The following RECK variants were observed in gnomAD, a reference collection of about 807,000 sequenced individuals.
The protein encoded by RECK is reversion-inducing cysteine-rich protein with Kazal motifs.
RECK carries 69 observed loss-of-function variants against 115.1 expected under a neutral mutation model. The observed-to-expected ratio is 0.60, with a 90% CI of 0.49 to 0.73. RECK has a LOEUF of 0.73. Among genes scored for constraint, RECK ranks in the 30% least tolerant of loss-of-function variants. The pLI is 0.00. For missense variants in RECK, 1,047 were observed against 1,203.7 expected (o/e 0.87, Z 1.93); for synonymous variants, 414 against 419.7 (o/e 0.99, Z 0.17).
At chr9:36,083,595 A>C (rs1273833027) in intron 8 of RECK, 33 bp downstream of exon 8, 2 of 1,589,336 alleles carry the variant, frequency 1.3e-6, no homozygotes, top group Non-Finnish European at 8.6e-7. Flanking sequence ...TCTCATTTCA[A>C]TCTTTGGTAA....
rs573169426 is a variant in RECK, at chr9:36,095,101, C to T, written c.1085+3758C>T. 2.0e-5 allele frequency among the ~76,000 whole-genome samples: 3 copies of T among 152,200 alleles called. No individual in the cohort carries two copies. The East Asian group carries it at 5.8e-4, about 29-fold the overall frequency. Reference sequence around the variant, plus strand: ...AATTTATGCAACAAAGAAGAAATCACAAAGGAAATGCTTGAACCTGGGAGG... The same window carrying T: ...AATTTATGCAACAAAGAAGAAATCATAAAGGAAATGCTTGAACCTGGGAGG... On this transcript the variant is annotated intron_variant, in intron 10 of 20. Coordinates refer to ENST00000377966, the MANE Select transcript of RECK (RefSeq NM_021111.3).
rs367694777 is a variant in RECK at position 36,107,970 on chromosome 9, G to T, written c.1577-6G>T. 127 of 1,606,638 alleles carry T rather than the reference G, an allele frequency of 7.9e-5. No homozygotes were observed. In the African/African-American group the frequency reaches 1.5e-3, roughly 19 times the overall value. On this transcript the variant is annotated splice_region_variant and splice_polypyrimidine_tract_variant and intron_variant, in intron 13 of 20. Coordinates refer to ENST00000377966, the MANE Select transcript of RECK (RefSeq NM_021111.3). The stretch of plus-strand genomic sequence containing the variant: ...CATCTCTCTCAGCTAATTTTTGCTT[G>T]TACAGGTTGCAAACTGGGAGAAGCT...
At chr9:36,122,043 A>G (rs932979036) in intron 20 of RECK, among the ~76,000 whole-genome samples, 1 of 152,166 alleles carries the variant, frequency 6.6e-6, no homozygotes, top group African/African-American at 2.4e-5. Flanking sequence ...CGGGGAAGGA[A>G]CTGGTGCAGG....
chr9:36,120,069 C>T (rs1564139920), intron 18 of RECK, among the ~76,000 whole-genome samples: 2 of 151,888 alleles, frequency 1.3e-5, no homozygotes, highest in South Asian at 4.2e-4. Flanking sequence ...CCTGTCTCTA[C>T]TAAAAATACA....
intron 5 of RECK, among the ~76,000 whole-genome samples, chr9:36,064,215 G>C (rs1361278046): frequency 3.3e-5 from 5 of 152,118 alleles, no homozygotes; most frequent in Non-Finnish European, 1.5e-5. Flanking sequence ...GCTATGCTTG[G>C]ATGAGAACAT....
At chr9:36,099,769 G>A (rs547806157) in intron 10 of RECK, among the ~76,000 whole-genome samples, 1 of 152,274 alleles carries the variant, frequency 6.6e-6, no homozygotes, top group East Asian at 1.9e-4. Context: ...GCAGGTGTGA[G>A]CCACTGCACC....
At chr9:36,116,085 G>A (rs1381138768) in intron 16 of RECK, among the ~76,000 whole-genome samples, 1 of 150,436 alleles carries the variant, frequency 6.6e-6, no homozygotes, top group Non-Finnish European at 1.5e-5. Context: ...CGGTCTTGTA[G>A]GCACAAAAAC....
intron 12 of RECK, among the ~76,000 whole-genome samples, chr9:36,104,700 G>A (rs184645911): frequency 3.3e-3 from 498 of 152,000 alleles, no homozygotes; most frequent in African/African-American, 0.012. Context: ...GTAGAAACAG[G>A]GTTTCACCAT....
At chr9:36,122,096 G>T (rs1824482617) in intron 20 of RECK, among the ~76,000 whole-genome samples, 1 of 152,208 alleles carries the variant, frequency 6.6e-6, no homozygotes, top group Admixed American at 6.5e-5. Context: ...TCTCCTGAGA[G>T]CTGTGTGCCC....
At chr9:36,060,966 A>G (rs913433534) in intron 4 of RECK, among the ~76,000 whole-genome samples, 3 of 152,144 alleles carry the variant, frequency 2.0e-5, no homozygotes, top group Non-Finnish European at 4.4e-5. Flanking sequence ...TGTTCTTTCT[A>G]GTTCCATTGA....
Position 36,061,393 on chromosome 9 carries a change from T to TACACACACACACACACACACAC in RECK, c.271+1262_271+1283dup, listed in dbSNP as rs58265948. ...GCATCCTTAGTATCCTGTAATTTTC[T>TACACACACACACACACACACAC]ACACACACACACACACACACACACA... On this transcript the variant is annotated intron_variant, in intron 4 of 20. Transcript: ENST00000377966. Among the ~76,000 whole-genome samples the TACACACACACACACACACACAC allele has an allele frequency of 1.2e-3, 149 of 129,116 alleles. 3 individuals carry two copies. The highest frequency in any genetic ancestry group is 1.9e-3 in the Non-Finnish European group (112 of 60,134). 84.7% of individuals were successfully genotyped at this position (129,116 alleles called of 152,430 possible).
intron 14 of RECK, 116 bp from the exon 15 acceptor site, chr9:36,109,841 T>C: frequency 1.0e-6 from 1 of 973,700 alleles, no homozygotes; most frequent in Admixed American, 2.1e-5. Context: ...GAGACCCTTC[T>C]CAAAAAAAAA....
intron 2 of RECK, among the ~76,000 whole-genome samples, 161 bp from the exon 3 acceptor site, chr9:36,058,666 T>G (rs1357975163): frequency 2.1e-5 from 3 of 145,240 alleles, no homozygotes; most frequent in Non-Finnish European, 4.5e-5. Context: ...AATTAATAAA[T>G]AAATAAATAA....
chr9:36,122,859 G>A lies in RECK; in HGVS notation c.2730G>A (p.Glu910=). The change falls in exon 21 of 21, where the codon GAG becomes GAA. Residue 910 remains glutamate, a synonymous_variant. Transcript: ENST00000377966. ...EACNKEAEKI[E]SLINSDSPTL... ...GCAATAAAGAAGCAGAGAAGATTGA[G>A]TCCCTTATCAACTCTGACAGCCCGA... is the stretch of plus-strand genomic sequence containing the variant. 2 of 1,614,174 alleles carry A rather than the reference G, an allele frequency of 1.2e-6. No homozygotes were observed. Among genetic ancestry groups the A allele is most frequent in the Non-Finnish European group, 1.7e-6 (2 of 1,180,034 alleles).
chr9:36,078,848 A>G (rs1402156442), intron 6 of RECK, among the ~76,000 whole-genome samples: 1 of 151,872 alleles, frequency 6.6e-6, no homozygotes, highest in Non-Finnish European at 1.5e-5. Flanking sequence ...GTAGCCGACT[A>G]CCTTTATTTT....
At chr9:36,099,173 C>CTG (rs1489668352) in intron 10 of RECK, among the ~76,000 whole-genome samples, 2 of 152,036 alleles carry the variant, frequency 1.3e-5, no homozygotes, top group Non-Finnish European at 2.9e-5. Context: ...CTGCAGTGAG[C>CTG]TGTGATCATG....
At chr9:36,121,854 G>C (rs1824472845) in intron 20 of RECK, among the ~76,000 whole-genome samples, 166 bp downstream of exon 20, 2 of 152,326 alleles carry the variant, frequency 1.3e-5, no homozygotes, top group South Asian at 4.1e-4. Context: ...AATCTCTAAA[G>C]GACTGAGCAC....
At chr9:36,084,922 G>A (rs977467709) in intron 8 of RECK, among the ~76,000 whole-genome samples, 2 of 152,090 alleles carry the variant, frequency 1.3e-5, no homozygotes, top group East Asian at 1.9e-4. Flanking sequence ...GGGCATGGTG[G>A]CACATAGCTG....
At chr9:36,078,978 C>T (rs1319360069) in intron 6 of RECK, among the ~76,000 whole-genome samples, 4 of 152,056 alleles carry the variant, frequency 2.6e-5, no homozygotes, top group East Asian at 1.9e-4. Flanking sequence ...TCACTGCAAC[C>T]TCCGCCTCCC....
Sources: gnomAD v4.1 joint callset for allele counts (sites outside exome capture counted in the v4.1 genomes callset) on GRCh38, gnomAD v4.1.1 for gene constraint, MANE v1.5 for transcripts, NCBI Gene and HGNC (gene_info 2026-07-23, HGNC 2026-07-21) for gene names.